The following CNTNAP5 variants were observed in gnomAD, a reference collection of about 807,000 sequenced individuals.
CNTNAP5 encodes the protein contactin-associated protein-like 5.
A neutral mutation model predicts 150.2 loss-of-function variants in CNTNAP5; 72 were observed. That is an observed-to-expected ratio of 0.48 (90% CI 0.40 to 0.58). The LOEUF is 0.58. Ranked by LOEUF, CNTNAP5 falls within the 20% of genes least tolerant of loss-of-function variation. The pLI is 0.00. For missense variants in CNTNAP5, 1,636 were observed against 1,626.2 expected (o/e 1.01, Z -0.10); for synonymous variants, 672 against 619.8 (o/e 1.08, Z -1.25).
At chr2:124,177,030 T>A (rs1226674325) in intron 1 of CNTNAP5, among the ~76,000 whole-genome samples, 1 of 151,628 alleles carries the variant, frequency 6.6e-6, no homozygotes, top group Non-Finnish European at 1.5e-5. Context: ...TTATTTCTAG[T>A]AGAGATGAGG....
chr2:124,128,786 T>A (rs1325604232), intron 1 of CNTNAP5, among the ~76,000 whole-genome samples: 2 of 152,110 alleles, frequency 1.3e-5, no homozygotes, highest in African/African-American at 4.8e-5. Context: ...CTGGAAACCA[T>A]CATTCTGAGC....
chr2:124,623,211 A>T (rs1038183945), intron 12 of CNTNAP5, among the ~76,000 whole-genome samples: 1 of 152,182 alleles, frequency 6.6e-6, no homozygotes, highest in Admixed American at 6.5e-5. Context: ...CACAGACTTT[A>T]TAATCTCATG....
At chr2:124,449,839 G>A (rs533760614) in intron 6 of CNTNAP5, among the ~76,000 whole-genome samples, 4 of 152,208 alleles carry the variant, frequency 2.6e-5, no homozygotes, top group Non-Finnish European at 4.4e-5. Flanking sequence ...CAAGAGTTAC[G>A]TGTCAAGAGA....
intron 11 of CNTNAP5, among the ~76,000 whole-genome samples, chr2:124,603,284 G>T (rs1240804678): frequency 6.6e-6 from 1 of 152,046 alleles, no homozygotes; most frequent in African/African-American, 2.4e-5. Flanking sequence ...CTGTAAATTG[G>T]TGTTTAGATC....
At chr2:124,081,983 A>G (rs913324804) in intron 1 of CNTNAP5, among the ~76,000 whole-genome samples, 2 of 152,104 alleles carry the variant, frequency 1.3e-5, no homozygotes, top group African/African-American at 2.4e-5. Flanking sequence ...TTTCTTCTCA[A>G]CCTCAACATC....
intron 19 of CNTNAP5, 95 bp from the exon 20 acceptor site, chr2:124,865,210 TG>T: frequency 1.0e-6 from 1 of 956,812 alleles, no homozygotes; most frequent in Non-Finnish European, 1.5e-6. Flanking sequence ...GATTAAGACC[TG>T]GGGCCCTAAT....
At chr2:124,537,891 T>C (rs1695277025) in intron 10 of CNTNAP5, among the ~76,000 whole-genome samples, 1 of 152,166 alleles carries the variant, frequency 6.6e-6, no homozygotes, top group African/African-American at 2.4e-5. Context: ...CAAAAGAGCC[T>C]TTATTCATGG....
intron 1 of CNTNAP5, among the ~76,000 whole-genome samples, chr2:124,054,080 C>A (rs561390055): frequency 3.3e-5 from 5 of 152,080 alleles, no homozygotes; most frequent in Non-Finnish European, 7.4e-5. Context: ...AGACAAGGAT[C>A]GACTTATCAC....
At chr2:124,791,961 G>A (rs184535818) in intron 18 of CNTNAP5, among the ~76,000 whole-genome samples, 65 of 152,180 alleles carry the variant, frequency 4.3e-4, no homozygotes, top group Middle Eastern at 3.4e-3. Flanking sequence ...TAAGTAAGAT[G>A]GCCTTTTTAG....
At chr2:124,603,113 G>T (rs1013331887) in intron 11 of CNTNAP5, among the ~76,000 whole-genome samples, 1 of 148,096 alleles carries the variant, frequency 6.8e-6, no homozygotes, top group East Asian at 2.1e-4. Flanking sequence ...TTGAATTAGG[G>T]TCTAAACAAG....
intron 14 of CNTNAP5, among the ~76,000 whole-genome samples, chr2:124,754,950 TAGAAAAAA>T (rs2105154537): frequency 6.6e-6 from 1 of 151,710 alleles, no homozygotes; most frequent in South Asian, 2.1e-4. Context: ...AATATGAAAA[TAGAAAAAA>T]AGAACTTGTA....
intron 22 of CNTNAP5, among the ~76,000 whole-genome samples, chr2:124,903,805 G>A (rs745309492): frequency 1.1e-4 from 17 of 152,166 alleles, no homozygotes; most frequent in Non-Finnish European, 1.9e-4. Context: ...TGAAATTGCC[G>A]CACTTTGGGA....
At chr2:124,218,740 C>G (rs1268908840) in intron 1 of CNTNAP5, among the ~76,000 whole-genome samples, 1 of 152,104 alleles carries the variant, frequency 6.6e-6, no homozygotes, top group Non-Finnish European at 1.5e-5. Flanking sequence ...AGGTCAGCAC[C>G]TCATGATGGA....
chr2:124,172,109 A>G (rs1340480807), intron 1 of CNTNAP5, among the ~76,000 whole-genome samples: 3 of 152,212 alleles, frequency 2.0e-5, no homozygotes, highest in Non-Finnish European at 2.9e-5. Flanking sequence ...TATGTAGAGA[A>G]AGGCTGCATT....
intron 1 of CNTNAP5, among the ~76,000 whole-genome samples, chr2:124,112,974 G>C (rs1683333103): frequency 6.6e-6 from 1 of 152,082 alleles, no homozygotes; most frequent in East Asian, 1.9e-4. Context: ...ACAATAGAAA[G>C]AATACCTAAG....
chr2:124,507,681 G>A (rs1057088115), intron 8 of CNTNAP5, among the ~76,000 whole-genome samples: 5 of 152,134 alleles, frequency 3.3e-5, no homozygotes, highest in Non-Finnish European at 5.9e-5. Flanking sequence ...CCATACAAGG[G>A]AGAGCCTTAC....
At chr2:124,906,951 G>A (rs1678550142) in intron 22 of CNTNAP5, among the ~76,000 whole-genome samples, 1 of 152,012 alleles carries the variant, frequency 6.6e-6, no homozygotes, top group Non-Finnish European at 1.5e-5. Flanking sequence ...CAAAAAATAA[G>A]AAACATTTAA....
chr2:124,217,525 G>T (rs1228554357), intron 1 of CNTNAP5, among the ~76,000 whole-genome samples: 2 of 152,154 alleles, frequency 1.3e-5, no homozygotes, highest in Non-Finnish European at 2.9e-5. Context: ...CAATGCTGCA[G>T]ACCTGCAGAG....
intron 1 of CNTNAP5, among the ~76,000 whole-genome samples, chr2:124,124,876 C>T (rs1452740169): frequency 2.0e-5 from 3 of 152,170 alleles, no homozygotes; most frequent in Non-Finnish European, 4.4e-5. Context: ...GAGATTATGT[C>T]ACCACCAGGC....
Sources: allele counts gnomAD v4.1 joint callset (sites outside exome capture counted in the v4.1 genomes callset), GRCh38; gene constraint gnomAD v4.1.1; transcripts MANE v1.5; gene names NCBI Gene and HGNC (gene_info 2026-07-23, HGNC 2026-07-21).